Variants in GPR158 observed in about 807,000 individuals in gnomAD.
GPR158 encodes the protein metabotropic glycine receptor.
In GPR158, 30 loss-of-function variants were observed where a neutral mutation model predicts 78.2. The ratio of observed to expected loss-of-function variants is 0.38; its 90% CI spans 0.29 to 0.52. The LOEUF (loss-of-function observed/expected upper bound fraction) is 0.52. GPR158 is among the 20% of genes least tolerant of loss of function. The probability of loss-of-function intolerance (pLI) is 0.83; values close to 1 mark genes in which losing one functional copy is unlikely to be tolerated. For missense variants in GPR158, 1,463 were observed against 1,523.5 expected (o/e 0.96, Z 0.66); for synonymous variants, 581 against 591.1 (o/e 0.98, Z 0.25).
chr10:25,250,787 CT>C (rs1588758384), intron 2 of GPR158, among the ~76,000 whole-genome samples: 1 of 147,022 alleles, frequency 6.8e-6, no homozygotes, highest in Non-Finnish European at 1.5e-5. Context: ...AATGTATATT[CT>C]GTTGATTTGG....
At chr10:25,526,798 A>G (rs185571002) in intron 5 of GPR158, among the ~76,000 whole-genome samples, 78 of 152,312 alleles carry the variant, frequency 5.1e-4, no homozygotes, top group African/African-American at 1.8e-3. Flanking sequence ...AACCCCAGTG[A>G]AGTAAGATTG....
intron 3 of GPR158, among the ~76,000 whole-genome samples, chr10:25,410,716 A>T (rs1367306886): frequency 6.6e-6 from 1 of 152,230 alleles, no homozygotes; most frequent in Admixed American, 6.5e-5. Context: ...GAGTTGTCTC[A>T]TGTCACAGAG....
At chr10:25,299,133 G>T (rs780857184) in intron 2 of GPR158, among the ~76,000 whole-genome samples, 1 of 151,996 alleles carries the variant, frequency 6.6e-6, no homozygotes, top group African/African-American at 2.4e-5. Context: ...GTTTATTTTT[G>T]TATATGTTTA....
At chr10:25,529,420 T>C (rs957407650) in intron 5 of GPR158, among the ~76,000 whole-genome samples, 1 of 151,986 alleles carries the variant, frequency 6.6e-6, no homozygotes, top group East Asian at 1.9e-4. Flanking sequence ...TACAAATCAA[T>C]GGACATAAAA....
At chr10:25,223,337 GAAGA>G (rs1479598500) in intron 2 of GPR158, among the ~76,000 whole-genome samples, 2 of 152,162 alleles carry the variant, frequency 1.3e-5, no homozygotes, top group African/African-American at 4.8e-5. Flanking sequence ...CTGGAGTTGG[GAAGA>G]AAGAATCTTT....
chr10:25,453,553 T>A (rs1835250583), intron 4 of GPR158, among the ~76,000 whole-genome samples: 1 of 152,182 alleles, frequency 6.6e-6, no homozygotes. Context: ...TTTTAAAAAA[T>A]TAATATTCTT....
At chr10:25,211,610 G>A (rs770405064) in intron 1 of GPR158, among the ~76,000 whole-genome samples, 5 of 152,152 alleles carry the variant, frequency 3.3e-5, no homozygotes, top group Admixed American at 6.5e-5. Flanking sequence ...TCTTATCACC[G>A]TTGCACTGGG....
At chr10:25,205,988 CTTTTT>C (rs34835235) in intron 1 of GPR158, among the ~76,000 whole-genome samples, 1 of 135,520 alleles carries the variant, frequency 7.4e-6, no homozygotes. Context: ...GTGGGTCCCT[CTTTTT>C]TTTTTTTTTT....
chr10:25,432,896 T>G (rs572047509), intron 4 of GPR158, among the ~76,000 whole-genome samples: 1 of 152,080 alleles, frequency 6.6e-6, no homozygotes, highest in African/African-American at 2.4e-5. Context: ...TCTGTTCCAG[T>G]GTGGGGTTGG....
chr10:25,300,792 A>T (rs1854580856), intron 2 of GPR158, among the ~76,000 whole-genome samples: 2 of 152,118 alleles, frequency 1.3e-5, no homozygotes, highest in South Asian at 4.1e-4. Flanking sequence ...ACCCCCTGTG[A>T]TGCAAAGAAA....
chr10:25,251,639 G>T (rs1339168730), intron 2 of GPR158, among the ~76,000 whole-genome samples: 1 of 150,460 alleles, frequency 6.6e-6, no homozygotes, highest in Non-Finnish European at 1.5e-5. Context: ...TTGAATATTG[G>T]CCCCCACTCT....
intron 2 of GPR158, among the ~76,000 whole-genome samples, chr10:25,338,036 G>A (rs920603967): frequency 6.6e-5 from 10 of 151,822 alleles, no homozygotes; most frequent in East Asian, 1.9e-4. Flanking sequence ...TTTATCAAAT[G>A]TAGGTATTGA....
intron 7 of GPR158, among the ~76,000 whole-genome samples, chr10:25,578,018 C>T (rs1484325759): frequency 6.6e-6 from 1 of 152,186 alleles, no homozygotes; most frequent in Non-Finnish European, 1.5e-5. Flanking sequence ...TGTTCCAAGA[C>T]ATTTTTAGAT....
intron 2 of GPR158, among the ~76,000 whole-genome samples, chr10:25,252,915 C>A (rs1041529938): frequency 5.3e-5 from 8 of 152,104 alleles, no homozygotes; most frequent in African/African-American, 1.7e-4. Flanking sequence ...CCCCCAGCCT[C>A]GCTGCCGCCT....
chr10:25,369,152 C>A (rs867793818), intron 2 of GPR158, among the ~76,000 whole-genome samples: 1,701 of 151,404 alleles, frequency 0.011, 35 homozygotes, highest in African/African-American at 0.04. Context: ...AATTGAATAC[C>A]CTTTATTTCC....
intron 4 of GPR158, among the ~76,000 whole-genome samples, chr10:25,423,196 C>T (rs1248300736): frequency 6.8e-6 from 1 of 146,930 alleles, no homozygotes; most frequent in Admixed American, 6.8e-5. Context: ...CACATATATA[C>T]ACACACACAC....
chr10:25,541,801 T>C (rs1836589144), intron 5 of GPR158, among the ~76,000 whole-genome samples: 1 of 151,724 alleles, frequency 6.6e-6, no homozygotes, highest in Admixed American at 6.6e-5. Context: ...GTGTCCTCCA[T>C]CAAGGAAAAT....
chr10:25,475,728 C>T (rs1835574298), intron 5 of GPR158: 1 of 152,040 alleles, frequency 6.6e-6, no homozygotes. Flanking sequence ...ACCTTACCTA[C>T]TTTCTGTGTT....
intron 2 of GPR158, among the ~76,000 whole-genome samples, chr10:25,367,585 C>T (rs990228518): frequency 3.3e-5 from 5 of 151,726 alleles, no homozygotes; most frequent in Non-Finnish European, 7.4e-5. Context: ...TGATAATAGT[C>T]TTTCAACCCA....
Sources: gnomAD v4.1 joint callset for allele counts (sites outside exome capture counted in the v4.1 genomes callset) on GRCh38, gnomAD v4.1.1 for gene constraint, MANE v1.5 for transcripts, NCBI Gene and HGNC (gene_info 2026-07-23, HGNC 2026-07-21) for gene names.